The following IFT88 variants were observed in gnomAD, a reference collection of about 807,000 sequenced individuals.
IFT88 encodes the protein intraflagellar transport protein 88 homolog.
In IFT88, 74 loss-of-function variants were observed where a neutral mutation model predicts 119.5. The ratio of observed to expected loss-of-function variants is 0.62; its 90% CI spans 0.51 to 0.75. The LOEUF (loss-of-function observed/expected upper bound fraction) is 0.75. IFT88 is among the 30% of genes least tolerant of loss of function. IFT88 has a pLI of 0.00. For missense variants in IFT88, 961 were observed against 977.7 expected, an observed-to-expected ratio of 0.98 and a Z score of 0.23; for synonymous variants, 279 against 316.7, an observed-to-expected ratio of 0.88 and a Z score of 1.26.
chr13:20,674,724 A>ATTTT (rs35617736), intron 24 of IFT88, among the ~76,000 whole-genome samples: 5 of 73,810 alleles, frequency 6.8e-5, no homozygotes, highest in East Asian at 4.6e-4. Context: ...ATATATATAT[A>ATTTT]TTTTTTTTTT....
chr13:20,593,036 G>T (rs1566108704), intron 7 of IFT88, among the ~76,000 whole-genome samples: 1 of 152,126 alleles, frequency 6.6e-6, no homozygotes, highest in Non-Finnish European at 1.5e-5. Flanking sequence ...GGTTGTAAAT[G>T]TTGTAAGATA....
At chr13:20,673,457 C>T (rs973928368) in intron 24 of IFT88, among the ~76,000 whole-genome samples, 18 of 152,220 alleles carry the variant, frequency 1.2e-4, no homozygotes, top group Non-Finnish European at 1.0e-4. Context: ...TGACAGCTGC[C>T]TCTCGGAAAC....
At position 20,663,526 on chromosome 13, in the gene IFT88, A is replaced by G. The variant is rs1180652041; in HGVS notation, c.2097A>G (p.Thr699=). The change falls in exon 23 of 26, where the codon ACA becomes ACG. Residue 699 remains threonine (T), a synonymous_variant. Coordinates refer to ENST00000351808, the MANE Select transcript of IFT88 (RefSeq NM_006531.5). Reference sequence around the variant, plus strand: ...TGCGTTTCTTAGTTCGTCTCTGCACAGATCTTGGATTAAAAGATGCTCAAG... The same window carrying G: ...TGCGTTTCTTAGTTCGTCTCTGCACGGATCTTGGATTAAAAGATGCTCAAG... ...ECLRFLVRLC[T]DLGLKDAQEY... is the part of the protein sequence containing the mutation. The G allele has an allele frequency of 6.2e-7, 1 of 1,614,012 alleles. No homozygotes were observed. Among genetic ancestry groups the G allele is most frequent in the East Asian group, 2.2e-5 (1 of 44,838 alleles).
At chr13:20,667,445 C>G (rs2054904006) in intron 23 of IFT88, among the ~76,000 whole-genome samples, 1 of 152,096 alleles carries the variant, frequency 6.6e-6, no homozygotes, top group African/African-American at 2.4e-5. Flanking sequence ...GGCAGGAATT[C>G]CCTGCCCAGT....
intron 15 of IFT88, among the ~76,000 whole-genome samples, chr13:20,630,510 T>G (rs1383080635): frequency 6.6e-6 from 1 of 152,204 alleles, no homozygotes; most frequent in Non-Finnish European, 1.5e-5. Flanking sequence ...CACCCCATTA[T>G]GCAGAATAAA....
rs2034960690 is a variant in IFT88 at position 20,567,159 on chromosome 13, T to C, written c.-104T>C. On this transcript the variant is annotated 5_prime_UTR_variant, in exon 1 of 26. Coordinates refer to ENST00000351808, the MANE Select transcript of IFT88 (RefSeq NM_006531.5). Reference sequence around the variant, plus strand: ...CGGAGGACTGTGGGAGCGGCTTCCTTGGATTCCGCGCTTGGCAACGGCTCG... The same window carrying C: ...CGGAGGACTGTGGGAGCGGCTTCCTCGGATTCCGCGCTTGGCAACGGCTCG... 6.6e-6 allele frequency: 1 copy of C among 152,178 alleles called. No homozygotes were observed. The highest frequency in any genetic ancestry group is 2.4e-5 in the African/African-American group (1 of 41,426). 9.4% of individuals were successfully genotyped at this position (152,178 alleles called of 1,614,324 possible). A position where few individuals can be genotyped will look rare whatever the true frequency, so the allele number is the denominator to read the frequency against.
At chr13:20,572,734 T>C (rs1011405192) in intron 1 of IFT88, among the ~76,000 whole-genome samples, 1 of 152,196 alleles carries the variant, frequency 6.6e-6, no homozygotes, top group African/African-American at 2.4e-5. Flanking sequence ...ACAGAACATT[T>C]ATCATCACCC....
chr13:20,581,116 A>G (rs1003662906), intron 2 of IFT88, among the ~76,000 whole-genome samples: 1 of 152,216 alleles, frequency 6.6e-6, no homozygotes, highest in African/African-American at 2.4e-5. Context: ...GTGAATACTC[A>G]GAATATCAGA....
intron 4 of IFT88, 121 bp from the exon 5 acceptor site, chr13:20,590,846 C>T: frequency 1.5e-6 from 1 of 674,108 alleles, no homozygotes; most frequent in Non-Finnish European, 2.6e-6. Context: ...CCAGGAGGTA[C>T]AAGGAATAAA....
chr13:20,569,144 T>C (rs4770058), intron 1 of IFT88, among the ~76,000 whole-genome samples: 33,450 of 152,050 alleles, frequency 0.22, 4,328 homozygotes, highest in Admixed American at 0.35. Context: ...ATCAATGACC[T>C]AAATATAAGA....
chr13:20,674,157 G>C (rs147049496), intron 24 of IFT88, among the ~76,000 whole-genome samples: 3 of 152,234 alleles, frequency 2.0e-5, no homozygotes, highest in Non-Finnish European at 2.9e-5. Flanking sequence ...ACACTCCAAG[G>C]CTGGCCCTGG....
chr13:20,674,008 T>G (rs2056298349), intron 24 of IFT88, among the ~76,000 whole-genome samples: 1 of 152,172 alleles, frequency 6.6e-6, no homozygotes, highest in Admixed American at 6.5e-5. Flanking sequence ...ACATCTCGAG[T>G]TATGCATCAT....
rs190278110 is a variant in IFT88, at chr13:20,587,160, C to T, written c.154-2651C>T. 7.7e-4 allele frequency among the ~76,000 whole-genome samples: 117 copies of T among 152,048 alleles called. 2 individuals carry two copies. In the South Asian group the frequency reaches 0.021, roughly 27 times the overall value. ...ATTCTTGAAGAATATATATGTTCCA[C>T]GATGGGTACAGTGTAATATGTCAAT... On this transcript the variant is annotated intron_variant, in intron 3 of 25. Coordinates refer to ENST00000351808, the MANE Select transcript of IFT88 (RefSeq NM_006531.5).
Position 20,644,859 on chromosome 13 carries a change from C to A in IFT88, c.1850C>A (p.Pro617His). ...QYYYESYRYF[P>H]CNIEVIEWLG... ...GTTTTACAGTCATATAGGTATTTTC[C>A]TTGTAATATTGAAGTCATTGAGTGG... Residue 617 changes from proline (P) to histidine (H), a missense_variant, in exon 20 of 26, where the codon CCT becomes CAT. By Grantham distance (77) the Pro-to-His change is moderately conservative. Coordinates refer to ENST00000351808, the MANE Select transcript of IFT88 (RefSeq NM_006531.5). 6.4e-7 allele frequency: 1 copy of A among 1,555,984 alleles called. No homozygotes were observed. Among genetic ancestry groups the A allele is most frequent in the Non-Finnish European group, 8.8e-7 (1 of 1,134,948 alleles).
intron 1 of IFT88, among the ~76,000 whole-genome samples, chr13:20,569,863 C>A (rs1566026645): frequency 6.6e-6 from 1 of 151,156 alleles, no homozygotes; most frequent in Non-Finnish European, 1.5e-5. Context: ...CCCATCTCTA[C>A]TAAAAATAAA....
intron 19 of IFT88, among the ~76,000 whole-genome samples, chr13:20,644,311 C>T (rs1023942028): frequency 6.6e-6 from 1 of 152,022 alleles, no homozygotes; most frequent in Non-Finnish European, 1.5e-5. Flanking sequence ...ACCAGCCTGG[C>T]CAACATGAGG....
chr13:20,615,925 T>C, intron 14 of IFT88, 46 bp downstream of exon 14: 1 of 1,042,924 alleles, frequency 9.6e-7, no homozygotes, highest in Non-Finnish European at 1.4e-6. Context: ...GTTTTTTTCA[T>C]AATTTATACT....
At chr13:20,567,662 C>G in intron 1 of IFT88, 1 of 963,676 alleles carries the variant, frequency 1.0e-6, no homozygotes, top group Non-Finnish European at 1.3e-6. Flanking sequence ...CTTTAATTTT[C>G]TTGTTAGGTG....
chr13:20,582,511 C>T (rs149204741), intron 2 of IFT88, among the ~76,000 whole-genome samples: 89 of 151,822 alleles, frequency 5.9e-4, no homozygotes, highest in African/African-American at 2.1e-3. Context: ...AAGAGAGTGC[C>T]CCCTGCTTGT....
Sources: gnomAD v4.1 joint callset for allele counts (sites outside exome capture counted in the v4.1 genomes callset) on GRCh38, gnomAD v4.1.1 for gene constraint, MANE v1.5 for transcripts, NCBI Gene and HGNC (gene_info 2026-07-23, HGNC 2026-07-21) for gene names.